Variants in SMCO4 observed in about 807,000 individuals in gnomAD.
The protein encoded by SMCO4 is single-pass membrane protein with coiled-coil domains 4, also known as single-pass membrane and coiled-coil domain-containing protein 4.
In SMCO4, 4 loss-of-function variants were observed where a neutral mutation model predicts 3.6. That is an observed-to-expected ratio of 1.11 (90% CI 0.54 to 2.53). The LOEUF is 2.53. SMCO4 is among the 30% of genes most tolerant of loss of function. The pLI is 0.02. For synonymous variants in SMCO4, 36 were observed against 35.3 expected, an observed-to-expected ratio of 1.02 and a Z score of -0.07; for missense variants, 70 against 80.8, an observed-to-expected ratio of 0.87 and a Z score of 0.51.
At chr11:93,534,303 T>C (rs976790617) in intron 1 of SMCO4, among the ~76,000 whole-genome samples, 1 of 147,754 alleles carries the variant, frequency 6.8e-6, no homozygotes, top group Non-Finnish European at 1.5e-5. Context: ...CACATATATA[T>C]ACATATATAC....
rs1349735645 is a variant in SMCO4, at chr11:93,534,257, C to T, written c.-154+9019G>A. Among the ~76,000 whole-genome samples, 33 of 103,094 alleles carry T rather than the reference C, an allele frequency of 3.2e-4. 1 individual carries two copies. The highest frequency in any genetic ancestry group is 4.4e-4 in the African/African-American group (12 of 27,000). The allele number at this position is 103,094 out of a possible 152,430, so 67.6% of individuals were successfully genotyped here. The stretch of plus-strand genomic sequence containing the variant: ...ACACACACACACACACACACACACA[C>T]ACACAAACACATATATATATACATA... On this transcript the variant is annotated intron_variant, in intron 1 of 2. Transcript: ENST00000298966.
chr11:93,534,369 T>TAGAGAG lies in SMCO4; in HGVS notation c.-154+8906_-154+8907insCTCTCT, dbSNP rs377624097. 8.5e-3 allele frequency among the ~76,000 whole-genome samples: 844 copies of TAGAGAG among 99,722 alleles called. 9 individuals are homozygous for TAGAGAG. Among genetic ancestry groups the TAGAGAG allele is most frequent in the African/African-American group, 0.011 (345 of 31,482 alleles). The allele number at this position is 99,722 out of a possible 152,430, so 65.4% of individuals were successfully genotyped here. Reference sequence around the variant, plus strand: ...ATATATACACATACATATATATATATATATATAGAGAGAGAGAGAGAGAGA... The same window carrying TAGAGAG: ...ATATATACACATACATATATATATATAGAGAGATATATAGAGAGAGAGAGAGAGAGA... On this transcript the variant is annotated intron_variant, in intron 1 of 2. Transcript: ENST00000298966.
At chr11:93,542,622 CCCCA>C (rs1359101478) in intron 1 of SMCO4, among the ~76,000 whole-genome samples, 1 of 152,192 alleles carries the variant, frequency 6.6e-6, no homozygotes, top group Non-Finnish European at 1.5e-5. Context: ...TACAGGAACT[CCCCA>C]CTGGGTCTTC....
chr11:93,489,790 C>G (rs117153170), intron 2 of SMCO4, among the ~76,000 whole-genome samples: 1 of 151,044 alleles, frequency 6.6e-6, no homozygotes, highest in Non-Finnish European at 1.5e-5. Context: ...CCTGTCCCCC[C>G]ACACCTCTCC....
At chr11:93,521,983 T>A (rs183275451) in intron 1 of SMCO4, among the ~76,000 whole-genome samples, 169 of 152,374 alleles carry the variant, frequency 1.1e-3, no homozygotes, top group African/African-American at 3.8e-3. Context: ...TATTTTTCAC[T>A]GTTCTATTTC....
intron 1 of SMCO4, among the ~76,000 whole-genome samples, chr11:93,527,813 T>C (rs1949123503): frequency 6.6e-6 from 1 of 152,310 alleles, no homozygotes; most frequent in Non-Finnish European, 1.5e-5. Context: ...ATTAGGTTAA[T>C]ATTTGTTTGC....
At chr11:93,535,135 T>C (rs1486522228) in intron 1 of SMCO4, among the ~76,000 whole-genome samples, 2 of 152,180 alleles carry the variant, frequency 1.3e-5, no homozygotes, top group African/African-American at 2.4e-5. Context: ...TACGGACCCT[T>C]GATTCCTCAG....
chr11:93,530,313 A>G (rs555612822), intron 1 of SMCO4, among the ~76,000 whole-genome samples: 248 of 152,216 alleles, frequency 1.6e-3, no homozygotes, highest in African/African-American at 5.5e-3. Flanking sequence ...TCCTGCCACC[A>G]CAGCCTTGTC....
At chr11:93,492,531 T>C (rs1180905463) in intron 2 of SMCO4, among the ~76,000 whole-genome samples, 1 of 151,368 alleles carries the variant, frequency 6.6e-6, no homozygotes, top group African/African-American at 2.4e-5. Context: ...GACAAAAGAG[T>C]GTAAGGTGAC....
At position 93,478,998 on chromosome 11, in the gene SMCO4, C is replaced by T. The variant is rs112594131; in HGVS notation, c.*12G>A. On this transcript the variant is annotated 3_prime_UTR_variant, in exon 3 of 3. Coordinates refer to ENST00000298966, the MANE Select transcript of SMCO4 (RefSeq NM_020179.3). ...TCTCCCTGCCGATGGGGTCCGCAGC[C>T]GGCTGCGGGGCTCACTCGGTGATGG... is the stretch of plus-strand genomic sequence containing the variant. 107 of 1,595,594 alleles carry T rather than the reference C, an allele frequency of 6.7e-5. No individual in the cohort carries two copies. The highest frequency in any genetic ancestry group is 4.0e-4 in the South Asian group (36 of 90,470).
At chr11:93,502,421 G>A (rs1342766308) in intron 1 of SMCO4, among the ~76,000 whole-genome samples, 8 of 152,112 alleles carry the variant, frequency 5.3e-5, no homozygotes, top group Non-Finnish European at 1.2e-4. Flanking sequence ...ATTTCATTTT[G>A]TGTTAGAGGT....
chr11:93,531,605 G>C (rs1949162970), intron 1 of SMCO4, among the ~76,000 whole-genome samples: 1 of 152,222 alleles, frequency 6.6e-6, no homozygotes, highest in African/African-American at 2.4e-5. Flanking sequence ...AACACAATGA[G>C]GTCATACTGA....
rs1948553456 is a variant in SMCO4, at chr11:93,478,939, C to A, written c.*71G>T. The A allele has an allele frequency of 6.6e-7, 1 of 1,521,426 alleles. No individual in the cohort carries two copies. Among genetic ancestry groups the A allele is most frequent in the Non-Finnish European group, 8.8e-7 (1 of 1,136,066 alleles). 94.2% of individuals were successfully genotyped at this position (1,521,426 alleles called of 1,614,324 possible). On this transcript the variant is annotated 3_prime_UTR_variant, in exon 3 of 3. Transcript: ENST00000298966. ...ACATGAACATCTCTGAATATGAAAG[C>A]CATTTTTTGTTTGCGTCCCCCTCCC...
intron 2 of SMCO4, among the ~76,000 whole-genome samples, chr11:93,497,822 A>G (rs1335711828): frequency 6.6e-6 from 1 of 152,254 alleles, no homozygotes; most frequent in Non-Finnish European, 1.5e-5. Flanking sequence ...AGCACCTTGC[A>G]AAAGAGAAAG....
At chr11:93,506,649 G>C (rs1948906020) in intron 1 of SMCO4, among the ~76,000 whole-genome samples, 1 of 152,032 alleles carries the variant, frequency 6.6e-6, no homozygotes, top group Non-Finnish European at 1.5e-5. Flanking sequence ...CACCATGTTA[G>C]CCAGGATGGT....
chr11:93,496,021 C>G (rs1948768358), intron 2 of SMCO4, among the ~76,000 whole-genome samples: 1 of 152,166 alleles, frequency 6.6e-6, no homozygotes, highest in African/African-American at 2.4e-5. Flanking sequence ...GGGGCCCAGA[C>G]AGTGCAGTCC....
chr11:93,506,959 T>C (rs866320320), intron 1 of SMCO4, among the ~76,000 whole-genome samples: 19 of 152,232 alleles, frequency 1.2e-4, no homozygotes, highest in Admixed American at 3.3e-4. Flanking sequence ...GAACACCATC[T>C]TTCCTTGAAA....
intron 1 of SMCO4, among the ~76,000 whole-genome samples, chr11:93,522,318 A>C (rs1490545401): frequency 6.6e-6 from 1 of 152,204 alleles, no homozygotes; most frequent in African/African-American, 2.4e-5. Flanking sequence ...CTTGGTCTAT[A>C]AAACAGAAGA....
At chr11:93,525,025 C>G (rs1045746262) in intron 1 of SMCO4, among the ~76,000 whole-genome samples, 1 of 152,190 alleles carries the variant, frequency 6.6e-6, no homozygotes, top group African/African-American at 2.4e-5. Flanking sequence ...GGCCTCTACT[C>G]AGAGGAAGGT....
Sources: gnomAD v4.1 joint callset for allele counts (sites outside exome capture counted in the v4.1 genomes callset) on GRCh38, gnomAD v4.1.1 for gene constraint, MANE v1.5 for transcripts, NCBI Gene and HGNC (gene_info 2026-07-23, HGNC 2026-07-21) for gene names.